NAALADL2: variants seen among roughly 807,000 people sequenced by gnomAD.
The protein encoded by NAALADL2 is N-acetylated alpha-linked acidic dipeptidase like 2, also known as inactive N-acetylated-alpha-linked acidic dipeptidase-like protein 2.
In NAALADL2, 76 loss-of-function variants were observed where a neutral mutation model predicts 87.2. The ratio of observed to expected loss-of-function variants is 0.87; its 90% CI spans 0.72 to 1.05. NAALADL2 has a LOEUF of 1.05. NAALADL2 is among the 50% of genes least tolerant of loss of function. The pLI is 0.00. For missense variants in NAALADL2, 1,089 were observed against 945.8 expected, an observed-to-expected ratio of 1.15 and a Z score of -1.99; for synonymous variants, 354 against 331.0, an observed-to-expected ratio of 1.07 and a Z score of -0.75.
At chr3:175,219,473 A>G (rs1186562087) in intron 2 of NAALADL2, among the ~76,000 whole-genome samples, 2 of 152,094 alleles carry the variant, frequency 1.3e-5, no homozygotes, top group African/African-American at 4.8e-5. Flanking sequence ...CTTGAACTCT[A>G]TTGATTACAT....
At chr3:175,304,009 AT>A (rs547607513) in intron 4 of NAALADL2, among the ~76,000 whole-genome samples, 1,858 of 146,252 alleles carry the variant, frequency 0.013, 24 homozygotes, top group African/African-American at 0.038. Context: ...TACCATTAGG[AT>A]TTTTTTTTTT....
intron 6 of NAALADL2, among the ~76,000 whole-genome samples, chr3:175,447,845 A>G (rs16825712): frequency 0.024 from 3,730 of 152,268 alleles, 159 homozygotes; most frequent in African/African-American, 0.084. Flanking sequence ...CTTGTACTGC[A>G]GTGCCGTTTG....
chr3:175,783,649 C>G (rs569609299), intron 13 of NAALADL2, among the ~76,000 whole-genome samples: 23 of 152,110 alleles, frequency 1.5e-4, no homozygotes, highest in African/African-American at 5.1e-4. Context: ...TGTCTGCAAA[C>G]AGGGACAATT....
At chr3:174,976,128 C>T (rs1171558024) in intron 1 of NAALADL2, among the ~76,000 whole-genome samples, 1 of 152,078 alleles carries the variant, frequency 6.6e-6, no homozygotes, top group African/African-American at 2.4e-5. Flanking sequence ...TAATTTGATT[C>T]ATTATTTTAC....
At chr3:174,882,682 TGTG>T (rs1729479490) in intron 1 of NAALADL2, among the ~76,000 whole-genome samples, 23 of 148,348 alleles carry the variant, frequency 1.6e-4, no homozygotes, top group African/African-American at 5.4e-4. Context: ...TATGTGTATA[TGTG>T]TATCCGTGTA....
chr3:174,552,777 C>T (rs959479380), intron 2 of NAALADL2, among the ~76,000 whole-genome samples: 1 of 117,202 alleles, frequency 8.5e-6, no homozygotes, highest in African/African-American at 3.5e-5. Flanking sequence ...GCATGGGCAG[C>T]AGAGTGAGAC....
intron 11 of NAALADL2, among the ~76,000 whole-genome samples, chr3:175,650,052 C>A (rs1302460914): frequency 4.8e-5 from 5 of 104,604 alleles, no homozygotes; most frequent in Non-Finnish European, 5.6e-5. Flanking sequence ...AGAATAACCC[C>A]ACACCAAAAA....
intron 4 of NAALADL2, among the ~76,000 whole-genome samples, chr3:175,317,383 C>T (rs1469667269): frequency 6.6e-6 from 1 of 151,754 alleles, no homozygotes; most frequent in Non-Finnish European, 1.5e-5. Context: ...ATATCCCTTT[C>T]CTCTGCTTGT....
At chr3:175,793,476 AT>A (rs34910826) in intron 13 of NAALADL2, among the ~76,000 whole-genome samples, 136 of 145,206 alleles carry the variant, frequency 9.4e-4, no homozygotes, top group East Asian at 1.6e-3. Context: ...CGCCCGGCTA[AT>A]TTTTTTTTTT....
chr3:175,287,935 ATAT>A (rs1348386908), intron 4 of NAALADL2, among the ~76,000 whole-genome samples: 5 of 152,176 alleles, frequency 3.3e-5, no homozygotes, highest in African/African-American at 4.8e-5. Flanking sequence ...ATATCTATTG[ATAT>A]TATTATACAG....
chr3:175,298,885 ATCTT>A (rs1756690003), intron 4 of NAALADL2, among the ~76,000 whole-genome samples: 1 of 152,154 alleles, frequency 6.6e-6, no homozygotes, highest in Non-Finnish European at 1.5e-5. Flanking sequence ...CTTTGGTTAA[ATCTT>A]TCTATTTCCC....
At chr3:175,231,104 C>T (rs1489111183) in intron 2 of NAALADL2, among the ~76,000 whole-genome samples, 1 of 151,542 alleles carries the variant, frequency 6.6e-6, no homozygotes, top group Non-Finnish European at 1.5e-5. Context: ...ATATAAGATA[C>T]CAATTTTGTA....
chr3:175,778,825 G>C (rs3114968), intron 13 of NAALADL2, among the ~76,000 whole-genome samples: 17,065 of 152,028 alleles, frequency 0.11, 1,373 homozygotes, highest in African/African-American at 0.23. Flanking sequence ...TACGGGTAAG[G>C]GAGGCAAAAT....
rs189892850 is a variant in NAALADL2, at chr3:175,525,176, G to A, written c.1654-50865G>A. 4.4e-4 allele frequency among the ~76,000 whole-genome samples: 67 copies of A among 152,060 alleles called. 1 individual carries two copies. The highest frequency in any genetic ancestry group is 1.6e-3 in the African/African-American group (66 of 41,510). On this transcript the variant is annotated intron_variant, in intron 9 of 13. Transcript: ENST00000454872. ...TCCTATTGCTTTTGAAGTTTCTTCT[G>A]GTTAATGTTATCTAATTTTTCATTT...
intron 2 of NAALADL2, among the ~76,000 whole-genome samples, chr3:175,157,825 G>A (rs1003057793): frequency 2.6e-5 from 4 of 151,960 alleles, no homozygotes; most frequent in Non-Finnish European, 4.4e-5. Context: ...GTGATTAACA[G>A]TTTCCTAAAT....
intron 4 of NAALADL2, among the ~76,000 whole-genome samples, chr3:175,266,981 G>A (rs1215841539): frequency 6.6e-6 from 1 of 150,962 alleles, no homozygotes; most frequent in African/African-American, 2.4e-5. Flanking sequence ...CCTTATGATT[G>A]GTTTTATAAA....
At chr3:174,627,200 T>A (rs1381278926) in intron 2 of NAALADL2, among the ~76,000 whole-genome samples, 1 of 152,090 alleles carries the variant, frequency 6.6e-6, no homozygotes, top group Non-Finnish European at 1.5e-5. Flanking sequence ...TTCAAGAAAG[T>A]CTGAAAAAAG....
chr3:174,604,855 A>G (rs1409118883), intron 2 of NAALADL2, among the ~76,000 whole-genome samples: 1 of 150,708 alleles, frequency 6.6e-6, no homozygotes, highest in Non-Finnish European at 1.5e-5. Context: ...CACAACCTCC[A>G]TCTCCCAGGT....
At position 175,653,227 on chromosome 3, in the gene NAALADL2, CA is replaced by C. The variant is rs980874924; in HGVS notation, c.1896+25851del. 6.4e-3 allele frequency among the ~76,000 whole-genome samples: 929 copies of C among 145,224 alleles called. 12 individuals are homozygous for C. The highest frequency in any genetic ancestry group is 0.022 in the African/African-American group (882 of 39,682). ...GGAGATGGAAGGGGAGGAAGGAAGG[CA>C]AAAAAAAAATCAGTGTAACTTTACA... On this transcript the variant is annotated intron_variant, in intron 11 of 13. Coordinates refer to ENST00000454872, the MANE Select transcript of NAALADL2 (RefSeq NM_207015.3).
Sources: gnomAD v4.1 joint callset for allele counts (sites outside exome capture counted in the v4.1 genomes callset) on GRCh38, gnomAD v4.1.1 for gene constraint, MANE v1.5 for transcripts, NCBI Gene and HGNC (gene_info 2026-07-23, HGNC 2026-07-21) for gene names.